CCZ1B: variants seen among roughly 807,000 people sequenced by gnomAD.
CCZ1B encodes the protein vacuolar fusion protein CCZ1 homolog B.
Under a neutral mutation model 58.8 loss-of-function variants are expected in CCZ1B, and 25 were observed. That is an observed-to-expected ratio of 0.43 (90% confidence interval 0.31 to 0.59). The LOEUF is 0.59. Among genes scored for constraint, CCZ1B ranks in the 20% least tolerant of loss-of-function variants. The pLI is 0.12. For missense variants in CCZ1B, 180 were observed against 501.5 expected, an observed-to-expected ratio of 0.36 and a Z score of 6.12; for synonymous variants, 66 against 173.2, an observed-to-expected ratio of 0.38 and a Z score of 4.86.
At chr7:6,820,994 T>TA in intron 6 of CCZ1B, among the ~76,000 whole-genome samples, 1 of 149,280 alleles carries the variant, frequency 6.7e-6, no homozygotes, top group African/African-American at 2.5e-5. Context: ...TATCCATTAA[T>TA]ACTACAGAGA....
intron 7 of CCZ1B, among the ~76,000 whole-genome samples, chr7:6,818,299 G>A (rs796403284): frequency 6.7e-6 from 1 of 149,552 alleles, no homozygotes; most frequent in African/African-American, 2.5e-5. Context: ...CTGTAATCGC[G>A]GCACTTTGGG....
At chr7:6,814,437 G>A (rs1014680431) in intron 8 of CCZ1B, among the ~76,000 whole-genome samples, 4 of 149,774 alleles carry the variant, frequency 2.7e-5, no homozygotes, top group South Asian at 4.2e-4. Context: ...TAGGGAGGCC[G>A]AGGCAAGGAG....
chr7:6,818,673 G>T lies in CCZ1B; in HGVS notation c.698+1093C>A, dbSNP rs1388617109. 9.2e-5 allele frequency among the ~76,000 whole-genome samples: 7 copies of T among 76,054 alleles called. 1 individual carries two copies. The highest frequency in any genetic ancestry group is 1.3e-4 in the Non-Finnish European group (5 of 38,160). 49.9% of individuals were successfully genotyped at this position (76,054 alleles called of 152,430 possible). A position where few individuals can be genotyped will look rare whatever the true frequency, so the allele number is the denominator to read the frequency against. ...AGACAGAAAGAAAGACAGACAGAAA[G>T]AAAGAAAGAAAGAAAGAAAGACAAG... On this transcript the variant is annotated intron_variant, in intron 7 of 14. Coordinates refer to ENST00000316731, the MANE Select transcript of CCZ1B (RefSeq NM_198097.5).
chr7:6,820,932 A>AT (rs1256419960), intron 6 of CCZ1B, among the ~76,000 whole-genome samples: 7 of 147,698 alleles, frequency 4.7e-5, no homozygotes, highest in Admixed American at 4.7e-4. Context: ...AAAAAAAAAA[A>AT]TTAACTCCCT....
intron 12 of CCZ1B, among the ~76,000 whole-genome samples, chr7:6,803,662 C>T (rs1782791333): frequency 7.0e-6 from 1 of 141,994 alleles, no homozygotes; most frequent in Admixed American, 7.3e-5. Context: ...TTATACAAGA[C>T]CATGCAGAAA....
At chr7:6,800,780 T>C (rs371672063) in intron 14 of CCZ1B, among the ~76,000 whole-genome samples, 168 bp downstream of exon 14, 10,180 of 121,798 alleles carry the variant, frequency 0.084, 100 homozygotes, top group East Asian at 0.24. Context: ...AGGAAGGTCT[T>C]GTCATAGTTT....
At chr7:6,811,910 T>G in intron 10 of CCZ1B, 42 bp downstream of exon 10, 1 of 1,580,164 alleles carries the variant, frequency 6.3e-7, no homozygotes, top group Non-Finnish European at 8.6e-7. Flanking sequence ...GAAAGATCCA[T>G]TTCAGCACAA....
intron 10 of CCZ1B, among the ~76,000 whole-genome samples, chr7:6,810,601 C>T (rs536760806): frequency 6.7e-6 from 1 of 148,320 alleles, no homozygotes; most frequent in South Asian, 2.1e-4. Flanking sequence ...TACACATGAG[C>T]ACTGCCATGC....
chr7:6,808,268 C>G (rs77891015), intron 10 of CCZ1B, among the ~76,000 whole-genome samples: 5 of 121,662 alleles, frequency 4.1e-5, no homozygotes, highest in Non-Finnish European at 7.2e-5. Flanking sequence ...ACTCCACAGA[C>G]ACAGCCACAC....
intron 1 of CCZ1B, among the ~76,000 whole-genome samples, chr7:6,825,389 C>T (rs1316733154): frequency 6.9e-6 from 1 of 144,474 alleles, no homozygotes; most frequent in Non-Finnish European, 1.5e-5. Context: ...CAGGTGCGTG[C>T]CACCACGCCC....
chr7:6,819,731 T>G, intron 7 of CCZ1B, 35 bp downstream of exon 7: 1 of 1,255,038 alleles, frequency 8.0e-7, no homozygotes, highest in Non-Finnish European at 1.1e-6. Flanking sequence ...TATCTTAATT[T>G]CTTCTTTTAA....
At chr7:6,820,863 C>G (rs1341233190) in intron 6 of CCZ1B, among the ~76,000 whole-genome samples, 2 of 141,604 alleles carry the variant, frequency 1.4e-5, no homozygotes, top group Non-Finnish European at 3.1e-5. Flanking sequence ...TGCAGTGAGC[C>G]AAGATCACAC....
chr7:6,817,538 A>G (rs1184495552), intron 7 of CCZ1B, among the ~76,000 whole-genome samples: 4 of 149,554 alleles, frequency 2.7e-5, no homozygotes, highest in Admixed American at 2.7e-4. Flanking sequence ...ACGTCCTGTC[A>G]TTTCCATCTG....
At chr7:6,809,121 G>GGGGGA (rs1554258697) in intron 10 of CCZ1B, among the ~76,000 whole-genome samples, 3 of 46,076 alleles carry the variant, frequency 6.5e-5, no homozygotes, top group Non-Finnish European at 1.6e-4. Context: ...GGCACCTCCC[G>GGGGGA]GGGGTTTTGG....
chr7:6,808,148 G>C, intron 10 of CCZ1B, among the ~76,000 whole-genome samples: 1 of 124,618 alleles, frequency 8.0e-6, no homozygotes, highest in African/African-American at 2.7e-5. Context: ...CTCCACCTCT[G>C]GAGGGCTGGA....
At chr7:6,813,423 A>T (rs1583552434) in intron 8 of CCZ1B, among the ~76,000 whole-genome samples, 1 of 149,282 alleles carries the variant, frequency 6.7e-6, no homozygotes, top group East Asian at 1.9e-4. Context: ...CCATCTCTAC[A>T]AAAAATTAAC....
intron 8 of CCZ1B, among the ~76,000 whole-genome samples, chr7:6,814,405 G>A (rs60379208): frequency 0.19 from 27,206 of 140,014 alleles, 3,461 homozygotes; most frequent in Non-Finnish European, 0.24. Flanking sequence ...GCGTGGTGGC[G>A]GGCGCCTGTA....
intron 7 of CCZ1B, among the ~76,000 whole-genome samples, chr7:6,816,570 T>C (rs1478424904): frequency 6.6e-6 from 1 of 150,966 alleles, no homozygotes; most frequent in East Asian, 1.9e-4. Context: ...TTTTCCACTT[T>C]TTGGTAGAGA....
At position 6,817,512 on chromosome 7, in the gene CCZ1B, C is replaced by A. The variant is rs1220544124; in HGVS notation, c.698+2254G>T. Among the ~76,000 whole-genome samples the A allele has an allele frequency of 2.0e-5, 3 of 149,884 alleles. No homozygotes were observed. The South Asian group carries it at 6.3e-4, about 32-fold the overall frequency. ...CGACATCTCCCTATCGCCGTGGCTGCGTGTGATTTGCAAGCACGTCCTGTC... is the reference window on the plus strand; with the variant it reads ...CGACATCTCCCTATCGCCGTGGCTGAGTGTGATTTGCAAGCACGTCCTGTC... On this transcript the variant is annotated intron_variant, in intron 7 of 14. Coordinates refer to ENST00000316731, the MANE Select transcript of CCZ1B (RefSeq NM_198097.5).
Sources: gnomAD v4.1 joint callset for allele counts (sites outside exome capture counted in the v4.1 genomes callset) on GRCh38, gnomAD v4.1.1 for gene constraint, MANE v1.5 for transcripts, NCBI Gene and HGNC (gene_info 2026-07-23, HGNC 2026-07-21) for gene names.